GRID2: variants seen among roughly 807,000 people sequenced by gnomAD.
GRID2 encodes the protein glutamate ionotropic receptor delta type subunit 2, also known as glutamate receptor ionotropic, delta-2.
A neutral mutation model predicts 114.8 loss-of-function variants in GRID2; 33 were observed. The ratio of observed to expected loss-of-function variants is 0.29; its 90% CI spans 0.22 to 0.38. The LOEUF (loss-of-function observed/expected upper bound fraction) is 0.38, where lower values mean the gene tolerates loss of function less well. GRID2 is among the 10% of genes least tolerant of loss of function. GRID2 has a pLI of 1.00. For synonymous variants in GRID2, 505 were observed against 449.9 expected (o/e 1.12, Z -1.55); for missense variants, 1,184 against 1,257.7 (o/e 0.94, Z 0.89).
rs145973824 is a variant in GRID2, at chr4:93,558,841, A to G, written c.2193+43430A>G. 7.5e-3 allele frequency among the ~76,000 whole-genome samples: 1,136 copies of G among 152,292 alleles called. 10 individuals carry two copies. Among genetic ancestry groups the G allele is most frequent in the African/African-American group, 0.026 (1,094 of 41,568 alleles). ...CATCAATGTGAAAATCCTCAATAAA[A>G]TACTGGTAAAATGAATCCAGCAGCA... On this transcript the variant is annotated intron_variant, in intron 13 of 15. Transcript: ENST00000282020.
intron 14 of GRID2, among the ~76,000 whole-genome samples, chr4:93,679,413 CT>C (rs1013192819): frequency 4.0e-5 from 6 of 151,034 alleles, no homozygotes; most frequent in African/African-American, 1.5e-4. Context: ...GAACTCAGCT[CT>C]GCACCAAGCA....
chr4:93,074,089 G>C (rs919825928), intron 2 of GRID2, among the ~76,000 whole-genome samples: 1 of 152,148 alleles, frequency 6.6e-6, no homozygotes, highest in Non-Finnish European at 1.5e-5. Context: ...GGCAACACAG[G>C]CCCTATTCTA....
chr4:93,739,986 G>T (rs1470132098), intron 14 of GRID2, among the ~76,000 whole-genome samples: 4 of 152,078 alleles, frequency 2.6e-5, no homozygotes, highest in African/African-American at 9.7e-5. Flanking sequence ...CAAATTTTAA[G>T]TTACCCTTGA....
intron 14 of GRID2, among the ~76,000 whole-genome samples, chr4:93,743,964 A>G (rs1731626690): frequency 6.6e-6 from 1 of 152,136 alleles, no homozygotes; most frequent in Non-Finnish European, 1.5e-5. Flanking sequence ...ATGCTCATTT[A>G]CCATTCCAAA....
At chr4:93,778,071 A>G (rs1237284959), downstream of GRID2, among the ~76,000 whole-genome samples, 1 of 152,236 alleles carries the variant, frequency 6.6e-6, no homozygotes, top group Non-Finnish European at 1.5e-5. Context: ...GATTCATAGT[A>G]GGAGACCTTT....
intron 2 of GRID2, among the ~76,000 whole-genome samples, chr4:93,007,086 AAAAC>A (rs773241481): frequency 1.1e-3 from 168 of 152,074 alleles, no homozygotes; most frequent in Non-Finnish European, 1.3e-3. Flanking sequence ...AAGAAAAAGA[AAAAC>A]AAACTCAGCA....
intron 1 of GRID2, among the ~76,000 whole-genome samples, chr4:92,419,059 C>T (rs554240310): frequency 6.6e-6 from 1 of 152,090 alleles, no homozygotes; most frequent in East Asian, 1.9e-4. Flanking sequence ...CTTAATTTGC[C>T]TCTGCTATAG....
At chr4:93,684,757 A>T (rs1276315699) in intron 14 of GRID2, among the ~76,000 whole-genome samples, 2 of 152,070 alleles carry the variant, frequency 1.3e-5, no homozygotes, top group African/African-American at 4.8e-5. Context: ...TATCTATTGT[A>T]TAGGGGGAGG....
intron 14 of GRID2, among the ~76,000 whole-genome samples, chr4:93,700,050 TA>T (rs1171298393): frequency 1.3e-5 from 2 of 152,036 alleles, no homozygotes; most frequent in African/African-American, 2.4e-5. Context: ...AGCAAGTCCC[TA>T]AAAAAACAAC....
Position 92,611,115 on chromosome 4 carries a change from T to C in GRID2, c.244+20829T>C, listed in dbSNP as rs926447740. On this transcript the variant is annotated intron_variant, in intron 2 of 15. Coordinates refer to ENST00000282020, the MANE Select transcript of GRID2 (RefSeq NM_001510.4). Reference sequence around the variant, plus strand: ...ATATGTGTGTGTGTATATGTGTGTGTATGTGTGTGTGTGTGCATGTGTGTG... The same window carrying C: ...ATATGTGTGTGTGTATATGTGTGTGCATGTGTGTGTGTGTGCATGTGTGTG... Among the ~76,000 whole-genome samples, 96 of 134,946 alleles carry C rather than the reference T, an allele frequency of 7.1e-4. 1 individual carries two copies. The highest frequency in any genetic ancestry group is 3.6e-3 in the East Asian group (15 of 4,218). 88.5% of individuals were successfully genotyped at this position (134,946 alleles called of 152,430 possible).
chr4:93,770,337 A>G (rs1430397923), intron 15 of GRID2, among the ~76,000 whole-genome samples: 1 of 152,262 alleles, frequency 6.6e-6, no homozygotes, highest in Non-Finnish European at 1.5e-5. Context: ...TAAAGTTTCT[A>G]TAACTAGAAC....
chr4:92,813,300 G>A (rs1237142277), intron 2 of GRID2, among the ~76,000 whole-genome samples: 1 of 152,058 alleles, frequency 6.6e-6, no homozygotes, highest in African/African-American at 2.4e-5. Context: ...CGTCAGCATG[G>A]CCAGGTTCTG....
intron 1 of GRID2, among the ~76,000 whole-genome samples, chr4:92,349,366 G>A (rs1727946271): frequency 6.6e-6 from 1 of 151,778 alleles, no homozygotes. Context: ...CAATTGTCAA[G>A]TTAATAATGC....
intron 1 of GRID2, among the ~76,000 whole-genome samples, chr4:93,792,586 G>T (rs569241381): frequency 6.6e-6 from 1 of 152,082 alleles, no homozygotes; most frequent in Non-Finnish European, 1.5e-5. Flanking sequence ...CAAAAATCAT[G>T]CTGGGAACCC....
At chr4:93,517,150 A>G (rs944030571) in intron 13 of GRID2, among the ~76,000 whole-genome samples, 3 of 152,104 alleles carry the variant, frequency 2.0e-5, no homozygotes, top group African/African-American at 7.2e-5. Context: ...TAATATATAT[A>G]AAGCATCAAT....
At chr4:92,770,116 A>G (rs1738468737) in intron 2 of GRID2, among the ~76,000 whole-genome samples, 1 of 152,164 alleles carries the variant, frequency 6.6e-6, no homozygotes, top group African/African-American at 2.4e-5. Flanking sequence ...TTGCTTAGAA[A>G]TTTCTTCCAC....
At chr4:93,442,453 A>C (rs1721708790) in intron 10 of GRID2, among the ~76,000 whole-genome samples, 1 of 152,016 alleles carries the variant, frequency 6.6e-6, no homozygotes, top group Non-Finnish European at 1.5e-5. Context: ...ATGCTACTGT[A>C]ATTTATAACT....
At chr4:93,293,726 T>C (rs543178349) in intron 8 of GRID2, among the ~76,000 whole-genome samples, 1 of 152,276 alleles carries the variant, frequency 6.6e-6, no homozygotes, top group East Asian at 1.9e-4. Flanking sequence ...TTTGGCTGTG[T>C]TATTAAATGT....
At chr4:93,182,776 T>C (rs1276607160) in intron 4 of GRID2, among the ~76,000 whole-genome samples, 1 of 152,230 alleles carries the variant, frequency 6.6e-6, no homozygotes, top group Non-Finnish European at 1.5e-5. Flanking sequence ...TAATAAAAAC[T>C]CTAATCCTCT....
Sources: allele counts gnomAD v4.1 joint callset (sites outside exome capture counted in the v4.1 genomes callset), GRCh38; gene constraint gnomAD v4.1.1; transcripts MANE v1.5; gene names NCBI Gene and HGNC (gene_info 2026-07-23, HGNC 2026-07-21).